The following CSMD1 variants were observed in gnomAD, a reference collection of about 807,000 sequenced individuals.
CSMD1 encodes CUB and Sushi multiple domains 1.
CSMD1 carries 213 observed loss-of-function variants against 417.5 expected under a neutral mutation model. The ratio of observed to expected loss-of-function variants is 0.51; its 90% confidence interval spans 0.46 to 0.57. CSMD1 has a LOEUF of 0.57. CSMD1 is among the 20% of genes least tolerant of loss of function. The probability of loss-of-function intolerance (pLI) is 0.00; values close to 1 mark genes in which losing one functional copy is unlikely to be tolerated. For missense variants in CSMD1, 6,923 were observed against 4,529.7 expected (o/e 1.53, Z -15.17); for synonymous variants, 2,862 against 1,736.8 (o/e 1.65, Z -16.11).
intron 52 of CSMD1, among the ~76,000 whole-genome samples, chr8:3,007,359 G>C (rs1185734306): frequency 6.6e-6 from 1 of 151,932 alleles, no homozygotes; most frequent in African/African-American, 2.4e-5. Context: ...GGAAGTCAGT[G>C]TGGCGATTCC....
intron 10 of CSMD1, among the ~76,000 whole-genome samples, chr8:3,568,124 A>C (rs542436689): frequency 6.6e-6 from 1 of 152,304 alleles, no homozygotes; most frequent in African/African-American, 2.4e-5. Flanking sequence ...AATAAAACAA[A>C]CTTATAATTA....
intron 3 of CSMD1, among the ~76,000 whole-genome samples, chr8:4,224,274 C>A (rs561112001): frequency 2.6e-5 from 4 of 152,030 alleles, no homozygotes; most frequent in Non-Finnish European, 5.9e-5. Context: ...CACGTTTTTC[C>A]ATAATTGTGG....
intron 2 of CSMD1, among the ~76,000 whole-genome samples, chr8:4,610,651 T>G (rs1478272): frequency 0.18 from 26,789 of 152,172 alleles, 2,736 homozygotes; most frequent in East Asian, 0.42. Flanking sequence ...TATAAATAGT[T>G]GATTTAATTC....
intron 1 of CSMD1, among the ~76,000 whole-genome samples, chr8:4,711,011 G>A (rs959274759): frequency 5.9e-5 from 9 of 152,074 alleles, no homozygotes; most frequent in African/African-American, 2.2e-4. Flanking sequence ...ACGGACAGAT[G>A]TGCCCAGGCC....
At chr8:3,188,799 G>C (rs1585600963) in intron 35 of CSMD1, 88 bp downstream of exon 35, 2 of 1,175,390 alleles carry the variant, frequency 1.7e-6, no homozygotes, top group East Asian at 5.8e-5. Flanking sequence ...GAGAGAGATG[G>C]AAAGAAACAT....
At chr8:3,618,770 G>A (rs926192871) in intron 7 of CSMD1, among the ~76,000 whole-genome samples, 19 of 152,246 alleles carry the variant, frequency 1.2e-4, no homozygotes, top group African/African-American at 4.1e-4. Flanking sequence ...GTTCAAAATA[G>A]GACTATATTT....
At chr8:3,524,918 T>C (rs141911936) in intron 10 of CSMD1, among the ~76,000 whole-genome samples, 2 of 152,212 alleles carry the variant, frequency 1.3e-5, no homozygotes, top group Non-Finnish European at 2.9e-5. Context: ...ATAAACTTGG[T>C]ATCATGAAAT....
chr8:3,614,250 G>T (rs775375227), intron 8 of CSMD1, among the ~76,000 whole-genome samples: 18 of 152,046 alleles, frequency 1.2e-4, no homozygotes, highest in Non-Finnish European at 1.0e-4. Context: ...GAAAGTGACA[G>T]ATTGAAATTC....
At chr8:4,635,284 A>G (rs909847148) in intron 2 of CSMD1, among the ~76,000 whole-genome samples, 1 of 152,188 alleles carries the variant, frequency 6.6e-6, no homozygotes, top group Admixed American at 6.5e-5. Context: ...CTGTTCACTC[A>G]AACTCCAAAA....
chr8:3,272,151 T>C (rs373324334), intron 26 of CSMD1, among the ~76,000 whole-genome samples: 23 of 147,054 alleles, frequency 1.6e-4, no homozygotes, highest in East Asian at 6.0e-4. Flanking sequence ...CTGCATATGG[T>C]TAGCCAGTTT....
intron 3 of CSMD1, among the ~76,000 whole-genome samples, chr8:4,292,055 A>G (rs1285240985): frequency 2.0e-5 from 3 of 152,164 alleles, no homozygotes; most frequent in African/African-American, 7.2e-5. Context: ...AGGTTTGGAC[A>G]CTTGATCATT....
intron 3 of CSMD1, among the ~76,000 whole-genome samples, chr8:4,249,521 C>A (rs899531414): frequency 6.6e-6 from 1 of 152,220 alleles, no homozygotes; most frequent in Non-Finnish European, 1.5e-5. Flanking sequence ...AGCTCCTCTA[C>A]TGACGTGCAC....
At chr8:4,301,473 T>C (rs913721152) in intron 3 of CSMD1, among the ~76,000 whole-genome samples, 1 of 152,206 alleles carries the variant, frequency 6.6e-6, no homozygotes, top group Non-Finnish European at 1.5e-5. Flanking sequence ...TGGTCCAGGA[T>C]CTTGATGCCA....
chr8:4,704,632 T>C (rs2116834322), intron 1 of CSMD1, among the ~76,000 whole-genome samples: 1 of 152,358 alleles, frequency 6.6e-6, no homozygotes, highest in Middle Eastern at 3.4e-3. Flanking sequence ...TTTCTTCTTT[T>C]AACCATTCTT....
At chr8:3,953,224 G>C (rs540880834) in intron 5 of CSMD1, among the ~76,000 whole-genome samples, 3 of 151,958 alleles carry the variant, frequency 2.0e-5, no homozygotes, top group Admixed American at 6.6e-5. Context: ...TTAAAATCAA[G>C]AAAATATATA....
intron 7 of CSMD1, among the ~76,000 whole-genome samples, chr8:3,670,083 G>A (rs1798908304): frequency 6.6e-6 from 1 of 152,142 alleles, no homozygotes; most frequent in Non-Finnish European, 1.5e-5. Flanking sequence ...GTGTCAACTT[G>A]ATTGGATTAA....
At chr8:3,857,029 T>C (rs1454094118) in intron 5 of CSMD1, among the ~76,000 whole-genome samples, 1 of 151,970 alleles carries the variant, frequency 6.6e-6, no homozygotes, top group East Asian at 1.9e-4. Flanking sequence ...TGATTAGAAA[T>C]ATATATCGAG....
At chr8:3,977,287 T>C (rs1813507633) in intron 5 of CSMD1, among the ~76,000 whole-genome samples, 1 of 152,150 alleles carries the variant, frequency 6.6e-6, no homozygotes, top group Admixed American at 6.6e-5. Context: ...AGATTGTGGG[T>C]TCCCTGAAGA....
intron 2 of CSMD1, among the ~76,000 whole-genome samples, chr8:4,490,821 TA>T (rs1801659952): frequency 6.6e-6 from 1 of 152,210 alleles, no homozygotes; most frequent in Non-Finnish European, 1.5e-5. Flanking sequence ...TTCTCACAAA[TA>T]AAGTCGGAAA....
Sources: gnomAD v4.1 joint callset for allele counts (sites outside exome capture counted in the v4.1 genomes callset) on GRCh38, gnomAD v4.1.1 for gene constraint, MANE v1.5 for transcripts, NCBI Gene and HGNC (gene_info 2026-07-23, HGNC 2026-07-21) for gene names.